Variants in DLGAP2 observed in about 807,000 individuals in gnomAD.
DLGAP2 encodes the protein disks large-associated protein 2.
In DLGAP2, 26 loss-of-function variants were observed where a neutral mutation model predicts 100.3. The observed-to-expected ratio is 0.26, with a 90% CI of 0.19 to 0.36. DLGAP2 has a LOEUF of 0.36. DLGAP2 is among the 10% of genes least tolerant of loss of function. DLGAP2 has a pLI of 1.00. For synonymous variants in DLGAP2, 886 were observed against 630.1 expected (o/e 1.41, Z -6.08); for missense variants, 1,858 against 1,453.2 (o/e 1.28, Z -4.53).
chr8:1,553,670 G>A (rs1045443197), intron 5 of DLGAP2, among the ~76,000 whole-genome samples: 3 of 152,180 alleles, frequency 2.0e-5, no homozygotes, highest in Non-Finnish European at 4.4e-5. Flanking sequence ...CCCGCCCTCT[G>A]CAGCCGGTCC....
intron 3 of DLGAP2, among the ~76,000 whole-genome samples, chr8:1,316,798 G>A (rs183241574): frequency 7.6e-5 from 11 of 145,034 alleles, no homozygotes; most frequent in South Asian, 2.2e-4. Context: ...GTCTACACTC[G>A]AGAAACTCGG....
chr8:790,989 C>G (rs1323077381), intron 1 of DLGAP2, among the ~76,000 whole-genome samples: 1 of 152,090 alleles, frequency 6.6e-6, no homozygotes, highest in East Asian at 1.9e-4. Context: ...ATGATGCACC[C>G]GCCTCAGCCT....
At chr8:1,318,184 G>C (rs1207847146) in intron 3 of DLGAP2, among the ~76,000 whole-genome samples, 3 of 152,084 alleles carry the variant, frequency 2.0e-5, no homozygotes, top group Non-Finnish European at 2.9e-5. Context: ...CTCTCCAACA[G>C]TCTACAAATG....
intron 3 of DLGAP2, among the ~76,000 whole-genome samples, chr8:1,347,311 C>T (rs753854215): frequency 1.5e-4 from 23 of 149,434 alleles, no homozygotes; most frequent in South Asian, 1.5e-3. Flanking sequence ...GTTGAGTTCC[C>T]CCACAGAGCT....
chr8:838,451 A>G (rs1796922445), intron 1 of DLGAP2, among the ~76,000 whole-genome samples: 1 of 151,920 alleles, frequency 6.6e-6, no homozygotes, highest in South Asian at 2.1e-4. Flanking sequence ...GAAAAATTTC[A>G]TTGTACAGCC....
At chr8:738,078 C>T (rs1216230479) in intron 1 of DLGAP2, 4 of 271,202 alleles carry the variant, frequency 1.5e-5, no homozygotes, top group Non-Finnish European at 1.4e-5. Context: ...GGTGCCGGGA[C>T]CCTGGGCTCC....
intron 2 of DLGAP2, among the ~76,000 whole-genome samples, chr8:1,246,192 A>G (rs571667472): frequency 3.9e-4 from 59 of 152,348 alleles, no homozygotes; most frequent in Middle Eastern, 3.4e-3. Context: ...AATATTCAAG[A>G]TGTGGGTAAT....
chr8:1,174,375 T>C (rs758481043), intron 2 of DLGAP2, among the ~76,000 whole-genome samples: 1 of 151,694 alleles, frequency 6.6e-6, no homozygotes, highest in African/African-American at 2.4e-5. Context: ...ATCATTATCA[T>C]TACCATTACC....
chr8:1,085,186 C>A (rs935517634), intron 2 of DLGAP2, among the ~76,000 whole-genome samples: 1 of 152,188 alleles, frequency 6.6e-6, no homozygotes, highest in African/African-American at 2.4e-5. Flanking sequence ...TGTTCAGGTA[C>A]CTTGCCCATT....
intron 5 of DLGAP2, among the ~76,000 whole-genome samples, chr8:1,559,703 T>A (rs368232187): frequency 1.4e-4 from 22 of 152,384 alleles, no homozygotes; most frequent in African/African-American, 5.0e-4. Context: ...AATCTCTTCT[T>A]TGATGGCAGA....
intron 1 of DLGAP2, among the ~76,000 whole-genome samples, chr8:757,859 C>T (rs1051168781): frequency 2.2e-4 from 33 of 152,264 alleles, no homozygotes; most frequent in African/African-American, 6.0e-4. Flanking sequence ...AAACAGGAAT[C>T]GGGGCACGTG....
chr8:1,314,914 C>T (rs905181729), intron 3 of DLGAP2, among the ~76,000 whole-genome samples: 7 of 152,212 alleles, frequency 4.6e-5, no homozygotes, highest in African/African-American at 1.4e-4. Context: ...TTTCCTTTTA[C>T]AGCTCCCATG....
chr8:1,001,200 G>A (rs947469176), intron 2 of DLGAP2, among the ~76,000 whole-genome samples: 2 of 152,136 alleles, frequency 1.3e-5, no homozygotes, highest in South Asian at 2.1e-4. Context: ...AGACTGGAGA[G>A]CTTTGACTAT....
intron 13 of DLGAP2, among the ~76,000 whole-genome samples, chr8:1,694,111 T>C (rs1003111989): frequency 2.0e-5 from 3 of 152,228 alleles, no homozygotes; most frequent in Admixed American, 2.0e-4. Flanking sequence ...TTCATCCTAA[T>C]ATTTGTTATG....
chr8:996,422 C>G (rs1363491365), intron 2 of DLGAP2, among the ~76,000 whole-genome samples: 2 of 152,068 alleles, frequency 1.3e-5, no homozygotes, highest in South Asian at 2.1e-4. Flanking sequence ...GTGCTTTGAG[C>G]AAAGCAAAGG....
At position 1,445,572 on chromosome 8, in the gene DLGAP2, C is replaced by A. The variant is rs149070171; in HGVS notation, c.107-55794C>A. Among the ~76,000 whole-genome samples the A allele has an allele frequency of 5.9e-3, 895 of 152,192 alleles. 12 individuals carry two copies. The highest frequency in any genetic ancestry group is 0.018 in the African/African-American group (767 of 41,526). ...CACACGCGTGCACGTGTCTTTATAG[C>A]AGCATGATTTATAATCCCTTGGGTA... is the stretch of plus-strand genomic sequence containing the variant. On this transcript the variant is annotated intron_variant, in intron 3 of 14. Transcript: ENST00000637795.
At chr8:1,107,086 T>A (rs1046964787) in intron 2 of DLGAP2, among the ~76,000 whole-genome samples, 1 of 152,216 alleles carries the variant, frequency 6.6e-6, no homozygotes, top group Non-Finnish European at 1.5e-5. Context: ...ATGTGACTTT[T>A]GTGTGAGTTG....
chr8:1,440,326 C>T (rs1050337374), intron 3 of DLGAP2, among the ~76,000 whole-genome samples: 1 of 152,136 alleles, frequency 6.6e-6, no homozygotes, highest in Non-Finnish European at 1.5e-5. Context: ...AATGGACTCA[C>T]GTGGGAAATG....
At chr8:743,825 A>C (rs1015328219) in intron 1 of DLGAP2, among the ~76,000 whole-genome samples, 1 of 152,360 alleles carries the variant, frequency 6.6e-6, no homozygotes, top group Admixed American at 6.5e-5. Context: ...CCAGCCTCCC[A>C]AAATGTTGCG....
Sources: gnomAD v4.1 joint callset for allele counts (sites outside exome capture counted in the v4.1 genomes callset) on GRCh38, gnomAD v4.1.1 for gene constraint, MANE v1.5 for transcripts, NCBI Gene and HGNC (gene_info 2026-07-23, HGNC 2026-07-21) for gene names.